The following CLVS2 variants were observed in gnomAD, a reference collection of about 807,000 sequenced individuals.
CLVS2 encodes clavesin-2.
A neutral mutation model predicts 29.0 loss-of-function variants in CLVS2; 19 were observed. The observed-to-expected ratio is 0.66, with a 90% CI of 0.46 to 0.96. The LOEUF is 0.96. CLVS2 is among the 40% of genes least tolerant of loss of function. The pLI, the probability that CLVS2 is intolerant of heterozygous loss-of-function variation, is 0.00. For missense variants in CLVS2, 294 were observed against 404.1 expected (o/e 0.73, Z 2.34); for synonymous variants, 161 against 151.3 (o/e 1.06, Z -0.47).
chr6:123,059,983 A>G (rs1237678025), intron 5 of CLVS2, among the ~76,000 whole-genome samples: 1 of 152,188 alleles, frequency 6.6e-6, no homozygotes, highest in African/African-American at 2.4e-5. Context: ...TTATGATTCT[A>G]TGGAAAACTG....
chr6:123,037,359 A>G (rs1160024203), intron 3 of CLVS2, among the ~76,000 whole-genome samples: 12 of 152,112 alleles, frequency 7.9e-5, no homozygotes. Flanking sequence ...TTTTTCTTTT[A>G]TAGTTAACCC....
chr6:123,066,359 TACAC>T lies in CLVS2; in HGVS notation c.*2613_*2616del, dbSNP rs71541221. 1.9e-4 allele frequency: 28 copies of T among 148,178 alleles called. No individual in the cohort carries two copies. The highest frequency in any genetic ancestry group is 4.7e-4 in the Admixed American group (7 of 14,860). 9.2% of individuals were successfully genotyped at this position (148,178 alleles called of 1,614,324 possible). ...ACCTCCACTCTCTCTCTCTCTCTCA[TACAC>T]ACACACACACACACTCTTACACACA... On this transcript the variant is annotated 3_prime_UTR_variant, in exon 6 of 6. Transcript: ENST00000275162.
At chr6:122,996,783 G>A (rs960609387) in intron 1 of CLVS2, 37 bp downstream of exon 1, 5 of 165,808 alleles carry the variant, frequency 3.0e-5, no homozygotes, top group African/African-American at 4.8e-5. Flanking sequence ...CTTGCTTTGG[G>A]GTTTTATAGA....
intron 3 of CLVS2, among the ~76,000 whole-genome samples, chr6:123,046,410 A>T (rs1432939653): frequency 6.6e-6 from 1 of 152,160 alleles, no homozygotes; most frequent in Non-Finnish European, 1.5e-5. Flanking sequence ...CTGTAATCCC[A>T]GCACTTTGGG....
chr6:123,030,714 A>G (rs1775070564), intron 3 of CLVS2, among the ~76,000 whole-genome samples: 1 of 151,646 alleles, frequency 6.6e-6, no homozygotes, highest in South Asian at 2.1e-4. Context: ...TCTTTATGTT[A>G]ATATAGGAGT....
chr6:123,041,535 T>C (rs1185646565), intron 3 of CLVS2, among the ~76,000 whole-genome samples: 1 of 152,182 alleles, frequency 6.6e-6, no homozygotes, highest in Admixed American at 6.5e-5. Flanking sequence ...CAGATCTCTA[T>C]AATGGGAACT....
intron 3 of CLVS2, among the ~76,000 whole-genome samples, chr6:123,028,488 TG>T (rs1322564388): frequency 2.6e-5 from 4 of 152,288 alleles, no homozygotes; most frequent in Admixed American, 2.6e-4. Flanking sequence ...AGTGAGAACT[TG>T]TCTCTAAAAA....
Position 123,071,228 on chromosome 6 carries a change from T to G in CLVS2, c.*7467T>G, listed in dbSNP as rs1309784465. On this transcript the variant is annotated 3_prime_UTR_variant, in exon 6 of 6. Coordinates refer to ENST00000275162, the MANE Select transcript of CLVS2 (RefSeq NM_001010852.4). Reference sequence around the variant, plus strand: ...GATCCTAATTTGTTTCAGCAAGTTATGTAACGGCCAATAGTATGAATTGAA... The same window carrying G: ...GATCCTAATTTGTTTCAGCAAGTTAGGTAACGGCCAATAGTATGAATTGAA... The G allele has an allele frequency of 1.3e-5, 2 of 152,076 alleles. No individual in the cohort carries two copies. The highest frequency in any genetic ancestry group is 2.4e-5 in the African/African-American group (1 of 41,442). 9.4% of individuals were successfully genotyped at this position (152,076 alleles called of 1,614,324 possible). A position where few individuals can be genotyped will look rare whatever the true frequency, so the allele number is the denominator to read the frequency against.
intron 3 of CLVS2, among the ~76,000 whole-genome samples, chr6:123,045,861 G>T (rs1582660575): frequency 2.0e-5 from 3 of 152,172 alleles, no homozygotes; most frequent in South Asian, 4.1e-4. Flanking sequence ...AGTGAGAGAA[G>T]AGATCAAAAA....
chr6:123,023,412 T>C (rs1361399301), intron 3 of CLVS2, among the ~76,000 whole-genome samples: 2 of 152,048 alleles, frequency 1.3e-5, no homozygotes, highest in Non-Finnish European at 2.9e-5. Flanking sequence ...GTTGGTGGAA[T>C]TATTTACTGG....
At chr6:123,046,878 T>C (rs191241297) in intron 3 of CLVS2, among the ~76,000 whole-genome samples, 2 of 152,182 alleles carry the variant, frequency 1.3e-5, no homozygotes, top group East Asian at 3.9e-4. Flanking sequence ...GACAAATCCT[T>C]CTAAGCCAAG....
Position 123,048,655 on chromosome 6 carries a change from T to C in CLVS2, c.598T>C (p.Phe200Leu). 4.3e-6 allele frequency: 7 copies of C among 1,613,580 alleles called. No individual in the cohort carries two copies. The highest frequency in any genetic ancestry group is 4.2e-6 in the Non-Finnish European group (5 of 1,179,590). Residue 200 changes from phenylalanine to leucine, a missense_variant, in exon 4 of 6, where the codon TTT becomes CTT. Physicochemically the swap from Phe to Leu is conservative, Grantham distance 22. Around this residue, in one of 2 missense-constraint regions of CLVS2, gnomAD observed 212 missense variants for 336.4 expected, o/e 0.63. Transcript: ENST00000275162. ...CCCAGCGCGATTTGGAGGAATTCATTTTGTCAATCAACCATGGTATATCCA... is the reference window on the plus strand; with the variant it reads ...CCCAGCGCGATTTGGAGGAATTCATCTTGTCAATCAACCATGGTATATCCA... ...SFPARFGGIH[F>L]VNQPWYIHAL...
At chr6:123,004,574 C>T (rs1445063710) in intron 2 of CLVS2, among the ~76,000 whole-genome samples, 1 of 152,212 alleles carries the variant, frequency 6.6e-6, no homozygotes, top group Non-Finnish European at 1.5e-5. Context: ...AGGATATTGA[C>T]TTCCTGATCT....
At chr6:123,057,017 A>G (rs187887127) in intron 5 of CLVS2, among the ~76,000 whole-genome samples, 1 of 152,286 alleles carries the variant, frequency 6.6e-6, no homozygotes, top group African/African-American at 2.4e-5. Flanking sequence ...CAGACATTGC[A>G]CAAATGCATA....
At chr6:123,056,921 T>C (rs1772700278) in intron 5 of CLVS2, among the ~76,000 whole-genome samples, 2 of 152,202 alleles carry the variant, frequency 1.3e-5, no homozygotes, top group Admixed American at 6.5e-5. Context: ...ATAGAGTTCA[T>C]TGTTGAGTCA....
chr6:123,021,848 A>AT lies in CLVS2; in HGVS notation c.564+10698dup, dbSNP rs201374934. The stretch of plus-strand genomic sequence containing the variant: ...CTGGTATGGGTGAGGATGAGGCCAT[A>AT]TTTTTTTTTCCTGATATTTGGCTAG... On this transcript the variant is annotated intron_variant, in intron 3 of 5. Coordinates refer to ENST00000275162, the MANE Select transcript of CLVS2 (RefSeq NM_001010852.4). 8.0e-3 allele frequency among the ~76,000 whole-genome samples: 1,213 copies of AT among 151,302 alleles called. 10 individuals carry two copies. Among genetic ancestry groups the AT allele is most frequent in the African/African-American group, 0.027 (1,108 of 41,246 alleles).
intron 3 of CLVS2, among the ~76,000 whole-genome samples, chr6:123,045,207 G>T (rs1772468127): frequency 6.6e-6 from 1 of 151,722 alleles, no homozygotes; most frequent in African/African-American, 2.4e-5. Flanking sequence ...GATGAATGAG[G>T]CACAGTCTGG....
At chr6:123,021,441 A>ACATGC in intron 3 of CLVS2, among the ~76,000 whole-genome samples, 1 of 151,868 alleles carries the variant, frequency 6.6e-6, no homozygotes, top group South Asian at 2.1e-4. Context: ...AAAAAAAATT[A>ACATGC]TTATTTTTTC....
At chr6:123,063,278 A>G (rs545411018) in intron 5 of CLVS2, among the ~76,000 whole-genome samples, 1 of 152,122 alleles carries the variant, frequency 6.6e-6, no homozygotes, top group Non-Finnish European at 1.5e-5. Context: ...TGTTATTTCT[A>G]TTTAGTTTAT....
Sources: allele counts gnomAD v4.1 joint callset (sites outside exome capture counted in the v4.1 genomes callset), GRCh38; gene constraint gnomAD v4.1.1; regional missense constraint gnomAD v4.1.1; transcripts MANE v1.5; gene names NCBI Gene and HGNC (gene_info 2026-07-23, HGNC 2026-07-21).